CDKAL1: variants seen among roughly 807,000 people sequenced by gnomAD.
CDKAL1 encodes the protein CDKAL1 threonylcarbamoyladenosine tRNA methylthiotransferase, also known as threonylcarbamoyladenosine tRNA methylthiotransferase.
A neutral mutation model predicts 68.2 loss-of-function variants in CDKAL1; 32 were observed. The observed-to-expected ratio is 0.47, with a 90% confidence interval of 0.35 to 0.63. The LOEUF (loss-of-function observed/expected upper bound fraction) is 0.63, where lower values mean the gene tolerates loss of function less well. Ranked by LOEUF, CDKAL1 falls within the 30% of genes least tolerant of loss-of-function variation. The pLI, the probability that CDKAL1 is intolerant of heterozygous loss-of-function variation, is 0.00. For missense variants in CDKAL1, 606 were observed against 696.7 expected, an observed-to-expected ratio of 0.87 and a Z score of 1.47; for synonymous variants, 234 against 244.3, an observed-to-expected ratio of 0.96 and a Z score of 0.39.
intron 4 of CDKAL1, among the ~76,000 whole-genome samples, chr6:20,636,814 A>G (rs918321491): frequency 2.6e-5 from 4 of 152,142 alleles, no homozygotes; most frequent in Non-Finnish European, 5.9e-5. Context: ...AGGCGGGTGG[A>G]TCATCTGAGG....
rs1582455735 is a variant in CDKAL1 at position 21,227,649 on chromosome 6, G to C, written c.1549-3199G>C. Among the ~76,000 whole-genome samples the C allele has an allele frequency of 2.0e-5, 3 of 152,262 alleles. No homozygotes were observed. In the South Asian group the frequency reaches 6.2e-4, roughly 32 times the overall value. On this transcript the variant is annotated intron_variant, in intron 15 of 15. Coordinates refer to ENST00000274695, the MANE Select transcript of CDKAL1 (RefSeq NM_017774.3). ...GCTTCTCTGCAGGATGCAGGGTGCAGACTTGTCCAGCAGGCACAGGAGGAA... is the reference window on the plus strand; with the variant it reads ...GCTTCTCTGCAGGATGCAGGGTGCACACTTGTCCAGCAGGCACAGGAGGAA...
At chr6:20,636,947 G>A (rs1187905105) in intron 4 of CDKAL1, among the ~76,000 whole-genome samples, 7 of 150,104 alleles carry the variant, frequency 4.7e-5, no homozygotes, top group Non-Finnish European at 8.8e-5. Flanking sequence ...TGAGACTGGA[G>A]AATTGCTTGA....
intron 9 of CDKAL1, among the ~76,000 whole-genome samples, chr6:20,911,994 A>G (rs906289086): frequency 3.3e-5 from 5 of 152,144 alleles, no homozygotes; most frequent in Admixed American, 2.6e-4. Context: ...GTCAGATGGG[A>G]TCTGACAACT....
chr6:20,894,689 C>G (rs1016160664), intron 9 of CDKAL1, among the ~76,000 whole-genome samples: 12 of 152,086 alleles, frequency 7.9e-5, no homozygotes, highest in African/African-American at 2.7e-4. Flanking sequence ...TTATACACTT[C>G]TAAACTTTAG....
At chr6:20,974,486 T>G (rs2150760198) in intron 10 of CDKAL1, among the ~76,000 whole-genome samples, 1 of 152,328 alleles carries the variant, frequency 6.6e-6, no homozygotes, top group East Asian at 1.9e-4. Context: ...ATTGTGTTTC[T>G]TTTGTCTTGT....
chr6:21,231,390 A>C lies in CDKAL1; in HGVS notation c.*351A>C. ...CAGTGGCTCTGGCCATCTTTTCCTC[A>C]TGTGGAAGAATTTTCTATCTTTAAT... On this transcript the variant is annotated 3_prime_UTR_variant, in exon 16 of 16. Coordinates refer to ENST00000274695, the MANE Select transcript of CDKAL1 (RefSeq NM_017774.3). 5.8e-6 allele frequency: 1 copy of C among 173,522 alleles called. No homozygotes were observed. The highest frequency in any genetic ancestry group is 1.2e-5 in the Non-Finnish European group (1 of 83,028). The allele number at this position is 173,522 out of a possible 1,614,324, so 10.7% of individuals were successfully genotyped here.
intron 13 of CDKAL1, among the ~76,000 whole-genome samples, chr6:21,160,637 A>C (rs1776875032): frequency 2.3e-5 from 1 of 44,122 alleles, no homozygotes. Context: ...TTGGACACAG[A>C]CACACACACA....
intron 11 of CDKAL1, among the ~76,000 whole-genome samples, chr6:21,031,772 C>T (rs973246991): frequency 7.9e-5 from 12 of 152,070 alleles, no homozygotes; most frequent in Admixed American, 4.6e-4. Flanking sequence ...CAAACCCAGT[C>T]TTTTTCAGTG....
intron 4 of CDKAL1, among the ~76,000 whole-genome samples, chr6:20,568,655 A>C (rs990154998): frequency 8.0e-5 from 12 of 150,712 alleles, no homozygotes; most frequent in Non-Finnish European, 1.6e-4. Flanking sequence ...GAATGGCGTG[A>C]ACCTGGGAGG....
intron 4 of CDKAL1, among the ~76,000 whole-genome samples, chr6:20,568,138 A>G (rs1764537382): frequency 6.6e-6 from 1 of 151,902 alleles, no homozygotes; most frequent in Non-Finnish European, 1.5e-5. Flanking sequence ...CTGCCTCCCA[A>G]AGCGCTGGGA....
At chr6:21,170,131 T>A (rs1161561877) in intron 13 of CDKAL1, among the ~76,000 whole-genome samples, 1 of 152,208 alleles carries the variant, frequency 6.6e-6, no homozygotes, top group African/African-American at 2.4e-5. Flanking sequence ...TAATGTCTGC[T>A]GTCTTCAGCC....
At chr6:21,034,418 C>G (rs1235166625) in intron 11 of CDKAL1, among the ~76,000 whole-genome samples, 1 of 151,332 alleles carries the variant, frequency 6.6e-6, no homozygotes, top group East Asian at 1.9e-4. Flanking sequence ...ATCCAGCAAC[C>G]TTTAACGATT....
At chr6:21,223,581 A>G (rs568501941) in intron 15 of CDKAL1, among the ~76,000 whole-genome samples, 72 of 149,890 alleles carry the variant, frequency 4.8e-4, no homozygotes, top group Admixed American at 9.2e-4. Flanking sequence ...AAAGGCCTCT[A>G]AACAACATGA....
At chr6:21,159,799 T>G (rs1450174523) in intron 13 of CDKAL1, among the ~76,000 whole-genome samples, 3 of 136,712 alleles carry the variant, frequency 2.2e-5, no homozygotes, top group Non-Finnish European at 4.8e-5. Flanking sequence ...TAGGCTAGCC[T>G]TTTAAAAATT....
intron 12 of CDKAL1, among the ~76,000 whole-genome samples, chr6:21,067,501 A>G (rs555759753): frequency 1.3e-5 from 2 of 152,210 alleles, no homozygotes; most frequent in African/African-American, 4.8e-5. Context: ...AGTCTCAGCT[A>G]TTCGGGAGGC....
chr6:20,951,599 A>T (rs888884222), intron 9 of CDKAL1, among the ~76,000 whole-genome samples: 13 of 152,272 alleles, frequency 8.5e-5, no homozygotes, highest in African/African-American at 2.9e-4. Flanking sequence ...TCATAGCTAA[A>T]CTTAAGGCTT....
chr6:21,230,222 C>T (rs372795846), intron 15 of CDKAL1, among the ~76,000 whole-genome samples: 6 of 152,194 alleles, frequency 3.9e-5, no homozygotes, highest in Non-Finnish European at 4.4e-5. Context: ...AGTGCAGCAG[C>T]GCAATCTTGG....
intron 9 of CDKAL1, among the ~76,000 whole-genome samples, chr6:20,858,573 T>G (rs1759454949): frequency 6.6e-6 from 1 of 152,238 alleles, no homozygotes; most frequent in Non-Finnish European, 1.5e-5. Flanking sequence ...TTTTGGAAGA[T>G]AACTTTATTT....
intron 4 of CDKAL1, among the ~76,000 whole-genome samples, chr6:20,552,800 C>G (rs1170453643): frequency 6.6e-6 from 1 of 151,456 alleles, no homozygotes; most frequent in Non-Finnish European, 1.5e-5. Context: ...TGCTATAGGC[C>G]CAGGAAATAT....
Sources: gnomAD v4.1 joint callset for allele counts (sites outside exome capture counted in the v4.1 genomes callset) on GRCh38, gnomAD v4.1.1 for gene constraint, MANE v1.5 for transcripts, NCBI Gene and HGNC (gene_info 2026-07-23, HGNC 2026-07-21) for gene names.